Variants in PRH1 observed in about 807,000 individuals in gnomAD.
The protein encoded by PRH1 is salivary acidic proline-rich phosphoprotein 1/2.
A neutral mutation model predicts 7.9 loss-of-function variants in PRH1; 7 were observed. The ratio of observed to expected loss-of-function variants is 0.89; its 90% CI spans 0.50 to 1.67. The LOEUF is 1.67. Ranked by LOEUF, PRH1 falls within the 40% of genes most tolerant of loss-of-function variation. PRH1 has a pLI of 0.00. For missense variants in PRH1, 109 were observed against 223.6 expected (o/e 0.49, Z 3.27); for synonymous variants, 45 against 80.8 (o/e 0.56, Z 2.38).
intron 1 of PRH1, among the ~76,000 whole-genome samples, chr12:10,980,868 G>A (rs370053119): frequency 2.0e-5 from 3 of 152,150 alleles, no homozygotes; most frequent in Admixed American, 6.5e-5. Context: ...CATGAAGACC[G>A]ACCATTGGCA....
chr12:10,972,579 A>G (rs1442618911), intron 2 of PRH1, among the ~76,000 whole-genome samples: 2 of 152,228 alleles, frequency 1.3e-5, no homozygotes, highest in Non-Finnish European at 2.9e-5. Context: ...ATGCAAATGA[A>G]GACATATTCT....
chr12:10,936,284 T>G (rs1416953411), intron 2 of PRH1, among the ~76,000 whole-genome samples: 2 of 151,924 alleles, frequency 1.3e-5, no homozygotes, highest in Non-Finnish European at 2.9e-5. Context: ...CAGGCTAAGA[T>G]CAAAAAATAA....
chr12:10,968,296 T>C (rs568533301), intron 2 of PRH1, among the ~76,000 whole-genome samples: 11 of 152,354 alleles, frequency 7.2e-5, no homozygotes, highest in African/African-American at 2.6e-4. Context: ...CTAAATGTAT[T>C]TAGCTTGACT....
intron 1 of PRH1, among the ~76,000 whole-genome samples, chr12:11,018,930 T>A (rs541681465): frequency 2.0e-5 from 3 of 152,350 alleles, no homozygotes; most frequent in African/African-American, 7.2e-5. Flanking sequence ...AGTAAACAGT[T>A]CTATGTGCAT....
chr12:11,126,331 G>T (rs1311492838), intron 1 of PRH1, among the ~76,000 whole-genome samples: 1 of 152,020 alleles, frequency 6.6e-6, no homozygotes, highest in Non-Finnish European at 1.5e-5. Context: ...ATATAGTTTT[G>T]TAAACTTTAT....
intron 1 of PRH1, among the ~76,000 whole-genome samples, chr12:11,040,496 A>G (rs904926323): frequency 1.3e-5 from 2 of 152,336 alleles, no homozygotes; most frequent in Middle Eastern, 3.4e-3. Flanking sequence ...GTTATCACTC[A>G]TAAGTGGGAA....
rs184329776 is a variant in PRH1, at chr12:11,083,170, C to T, written n.124-35982G>A. 7.5e-5 allele frequency among the ~76,000 whole-genome samples: 9 copies of T among 120,186 alleles called. 2 individuals carry two copies. Among genetic ancestry groups the T allele is most frequent in the Non-Finnish European group, 1.8e-4 (9 of 51,004 alleles). 78.8% of individuals were successfully genotyped at this position (120,186 alleles called of 152,430 possible). ...TCATGTATATTTAATGTCTGTATAA[C>T]TATAATTTATTGGAAATTCACTACT... On this transcript the variant is annotated intron_variant and non_coding_transcript_variant, in intron 1 of 4. Coordinates refer to the PRH1 transcript ENST00000541977.
At chr12:11,098,372 C>A (rs1945125018) in intron 1 of PRH1, among the ~76,000 whole-genome samples, 1 of 151,930 alleles carries the variant, frequency 6.6e-6, no homozygotes, top group Admixed American at 6.6e-5. Flanking sequence ...GGAAAACATT[C>A]TTATTTTCAA....
intron 2 of PRH1, chr12:10,930,238 C>T (rs1385292766): frequency 6.2e-7 from 1 of 1,610,142 alleles, no homozygotes; most frequent in Non-Finnish European, 8.5e-7. Context: ...CATGCAGTAA[C>T]TTTTCCCATC....
At chr12:11,159,563 AG>A (rs916466259) in intron 1 of PRH1, 1 of 152,730 alleles carries the variant, frequency 6.5e-6, no homozygotes, top group Non-Finnish European at 1.5e-5. Context: ...GGATGAAATC[AG>A]CTGATGAGAC....
intron 1 of PRH1, chr12:11,166,465 A>G (rs1947588431): frequency 6.6e-6 from 1 of 152,248 alleles, no homozygotes; most frequent in Non-Finnish European, 1.5e-5. Flanking sequence ...TCCTTGTGCC[A>G]ATCAGCTATT....
At chr12:11,093,856 T>A (rs556068606) in intron 1 of PRH1, among the ~76,000 whole-genome samples, 2 of 114,856 alleles carry the variant, frequency 1.7e-5, no homozygotes, top group East Asian at 4.2e-4. Flanking sequence ...TCTTCCTCTT[T>A]CCATTTACCA....
intron 1 of PRH1, among the ~76,000 whole-genome samples, chr12:11,030,160 G>C (rs1408557819): frequency 1.3e-5 from 2 of 151,748 alleles, no homozygotes; most frequent in African/African-American, 4.8e-5. Context: ...TAATTTGGCA[G>C]TTTGTATGAA....
exon 2 of PRH1, chr12:11,121,052 C>T (rs552885263): frequency 2.0e-5 from 3 of 153,650 alleles, no homozygotes; most frequent in African/African-American, 7.2e-5. Context: ...CTCTTCAAAA[C>T]AGGCCTTCAT....
At chr12:11,029,774 T>G (rs959070412) in intron 1 of PRH1, among the ~76,000 whole-genome samples, 1 of 152,150 alleles carries the variant, frequency 6.6e-6, no homozygotes, top group African/African-American at 2.4e-5. Context: ...TACATTAAAT[T>G]TACTCTGCAT....
intron 2 of PRH1, among the ~76,000 whole-genome samples, chr12:10,914,517 A>T (rs571727977): frequency 2.6e-5 from 4 of 152,330 alleles, no homozygotes; most frequent in Admixed American, 1.3e-4. Flanking sequence ...TTCTGAGCAG[A>T]TGTCCTTGCA....
chr12:11,100,653 C>CA (rs938485110), intron 1 of PRH1, among the ~76,000 whole-genome samples: 4 of 152,106 alleles, frequency 2.6e-5, no homozygotes, highest in African/African-American at 7.2e-5. Context: ...AAAACTTTAT[C>CA]AAAAAATGAC....
intron 1 of PRH1, among the ~76,000 whole-genome samples, chr12:11,045,241 A>G (rs1053858022): frequency 2.0e-5 from 3 of 151,756 alleles, no homozygotes. Context: ...ATGGACATAG[A>G]GAGTACATGG....
At chr12:11,035,520 T>C (rs1249161170) in intron 1 of PRH1, among the ~76,000 whole-genome samples, 1 of 152,214 alleles carries the variant, frequency 6.6e-6, no homozygotes, top group Admixed American at 6.5e-5. Context: ...AAATCATTTT[T>C]CTAACGGAGA....
Sources: gnomAD v4.1 joint callset for allele counts (sites outside exome capture counted in the v4.1 genomes callset) on GRCh38, gnomAD v4.1.1 for gene constraint, MANE v1.5 for transcripts, NCBI Gene and HGNC (gene_info 2026-07-23, HGNC 2026-07-21) for gene names.